Variants in CFAP61 observed in about 807,000 individuals in gnomAD.
CFAP61 encodes the protein cilia- and flagella-associated protein 61.
Under a neutral mutation model 135.6 loss-of-function variants are expected in CFAP61, and 107 were observed. That is an observed-to-expected ratio of 0.79 (90% CI 0.67 to 0.93). The LOEUF is 0.93. Ranked by LOEUF, CFAP61 falls within the 40% of genes least tolerant of loss-of-function variation. The probability of loss-of-function intolerance (pLI) is 0.00; values close to 1 mark genes in which losing one functional copy is unlikely to be tolerated. For synonymous variants in CFAP61, 575 were observed against 578.5 expected (o/e 0.99, Z 0.09); for missense variants, 1,507 against 1,556.2 (o/e 0.97, Z 0.53).
At chr20:20,058,005 G>C (rs2146535116) in intron 2 of CFAP61, among the ~76,000 whole-genome samples, 1 of 152,240 alleles carries the variant, frequency 6.6e-6, no homozygotes, top group South Asian at 2.1e-4. Flanking sequence ...TTGGATTACA[G>C]GCATAAGCTA....
intron 8 of CFAP61, among the ~76,000 whole-genome samples, chr20:20,134,687 G>A (rs185370409): frequency 5.3e-5 from 8 of 152,302 alleles, no homozygotes; most frequent in African/African-American, 1.7e-4. Context: ...ATGGGGAAAG[G>A]AGATTGTGGA....
At chr20:20,196,852 T>C in intron 16 of CFAP61, 76 bp downstream of exon 16, 3 of 1,229,460 alleles carry the variant, frequency 2.4e-6, no homozygotes, top group Non-Finnish European at 1.2e-6. Context: ...CCGCATTCTA[T>C]TCATTCCTCT....
intron 8 of CFAP61, among the ~76,000 whole-genome samples, chr20:20,130,597 G>A (rs886823271): frequency 6.6e-6 from 1 of 151,424 alleles, no homozygotes; most frequent in Non-Finnish European, 1.5e-5. Flanking sequence ...TTTTCCCCCT[G>A]CTAGGTAGCT....
At chr20:20,340,685 G>A (rs1260092610) in intron 25 of CFAP61, among the ~76,000 whole-genome samples, 1 of 152,192 alleles carries the variant, frequency 6.6e-6, no homozygotes, top group Non-Finnish European at 1.5e-5. Flanking sequence ...GACGGAGGTG[G>A]CCGTAGACCC....
At chr20:20,177,152 AT>A (rs1039662060) in intron 13 of CFAP61, among the ~76,000 whole-genome samples, 3 of 151,424 alleles carry the variant, frequency 2.0e-5, no homozygotes, top group African/African-American at 7.3e-5. Flanking sequence ...AGTTTTACAT[AT>A]TTTTTTTCTA....
chr20:20,151,394 G>A (rs981018804), intron 9 of CFAP61, among the ~76,000 whole-genome samples: 15 of 151,796 alleles, frequency 9.9e-5, no homozygotes, highest in African/African-American at 1.9e-4. Context: ...AAGAAATTTG[G>A]GATTATGTTA....
rs191064526 is a variant in CFAP61 at position 20,127,487 on chromosome 20, C to G, written c.860-15370C>G. 5.1e-3 allele frequency among the ~76,000 whole-genome samples: 771 copies of G among 151,762 alleles called. 32 individuals carry two copies. Among genetic ancestry groups the G allele is most frequent in the African/African-American group, 0.018 (737 of 41,092 alleles). On this transcript the variant is annotated intron_variant, in intron 8 of 26. Coordinates refer to ENST00000245957, the MANE Select transcript of CFAP61 (RefSeq NM_015585.4). ...AGCTGAACTACAGTGATTGTTCTCTCTCTTCTGGGTCTAGCCACCCAGCAA... is the reference window on the plus strand; with the variant it reads ...AGCTGAACTACAGTGATTGTTCTCTGTCTTCTGGGTCTAGCCACCCAGCAA...
chr20:20,064,390 A>T (rs2045079222), intron 2 of CFAP61, among the ~76,000 whole-genome samples: 1 of 152,160 alleles, frequency 6.6e-6, no homozygotes, highest in South Asian at 2.1e-4. Flanking sequence ...GAAGCCTTTT[A>T]CGGCTTCTTT....
intron 7 of CFAP61, 64 bp downstream of exon 7, chr20:20,091,040 C>T (rs963191331): frequency 6.3e-7 from 1 of 1,577,456 alleles, no homozygotes; most frequent in Non-Finnish European, 8.7e-7. Context: ...AGTGGTGTTG[C>T]TCTTGCGTTG....
intron 18 of CFAP61, among the ~76,000 whole-genome samples, chr20:20,235,408 T>G (rs1159790146): frequency 1.3e-5 from 2 of 152,028 alleles, no homozygotes; most frequent in Non-Finnish European, 2.9e-5. Context: ...CCAGACCTCC[T>G]GCATCAGAAA....
chr20:20,309,600 CT>C (rs2056696760), intron 25 of CFAP61, among the ~76,000 whole-genome samples: 1 of 152,128 alleles, frequency 6.6e-6, no homozygotes, highest in Non-Finnish European at 1.5e-5. Flanking sequence ...GTCAAGTTTC[CT>C]TCATACAGGA....
chr20:20,101,553 A>G (rs2048020942), intron 8 of CFAP61, among the ~76,000 whole-genome samples: 1 of 152,190 alleles, frequency 6.6e-6, no homozygotes, highest in African/African-American at 2.4e-5. Flanking sequence ...GTTTTGACAG[A>G]AAACTCCAAT....
intron 7 of CFAP61, among the ~76,000 whole-genome samples, 186 bp from the exon 8 acceptor site, chr20:20,098,469 G>A (rs890674316): frequency 6.6e-6 from 1 of 152,022 alleles, no homozygotes; most frequent in Non-Finnish European, 1.5e-5. Flanking sequence ...AATTAGCTGG[G>A]TGTGGTGGCG....
At chr20:20,323,960 A>T (rs1482915005) in intron 25 of CFAP61, among the ~76,000 whole-genome samples, 1 of 152,096 alleles carries the variant, frequency 6.6e-6, no homozygotes, top group Non-Finnish European at 1.5e-5. Flanking sequence ...TAACGACTGG[A>T]TAGAGTTCTA....
intron 8 of CFAP61, among the ~76,000 whole-genome samples, chr20:20,134,491 G>T (rs2050772861): frequency 6.6e-6 from 1 of 152,126 alleles, no homozygotes; most frequent in Non-Finnish European, 1.5e-5. Flanking sequence ...CATATGTGAT[G>T]ATGAACCATT....
chr20:20,298,780 G>A (rs1237903668), intron 25 of CFAP61, among the ~76,000 whole-genome samples: 4 of 152,192 alleles, frequency 2.6e-5, no homozygotes, highest in Non-Finnish European at 5.9e-5. Context: ...ATCATGGGAC[G>A]GGGTGTTTGT....
intron 8 of CFAP61, among the ~76,000 whole-genome samples, chr20:20,099,392 A>T (rs1268159378): frequency 6.6e-6 from 1 of 152,194 alleles, no homozygotes; most frequent in Non-Finnish European, 1.5e-5. Context: ...CAATTAGGTA[A>T]CCTCAAACTT....
At chr20:20,132,129 AT>A (rs1600847017) in intron 8 of CFAP61, among the ~76,000 whole-genome samples, 1 of 152,050 alleles carries the variant, frequency 6.6e-6, no homozygotes, top group East Asian at 1.9e-4. Context: ...CTCTGCTTCT[AT>A]TAATTTCACT....
chr20:20,062,038 C>T (rs2044840799), intron 2 of CFAP61, among the ~76,000 whole-genome samples: 1 of 152,182 alleles, frequency 6.6e-6, no homozygotes, highest in Non-Finnish European at 1.5e-5. Context: ...CCTTGCACTA[C>T]CATGTAAAAA....
Sources: gnomAD v4.1 joint callset for allele counts (sites outside exome capture counted in the v4.1 genomes callset) on GRCh38, gnomAD v4.1.1 for gene constraint, MANE v1.5 for transcripts, NCBI Gene and HGNC (gene_info 2026-07-23, HGNC 2026-07-21) for gene names.